Variants in BSX observed in about 807,000 individuals in gnomAD.
The protein encoded by BSX is brain specific homeobox.
A neutral mutation model predicts 16.9 loss-of-function variants in BSX; 12 were observed. The ratio of observed to expected loss-of-function variants is 0.71; its 90% CI spans 0.46 to 1.15. The LOEUF is 1.15. BSX is among the 50% of genes most tolerant of loss of function. The pLI is 0.00. For missense variants in BSX, 292 were observed against 311.8 expected (o/e 0.94, Z 0.48); for synonymous variants, 160 against 136.4 (o/e 1.17, Z -1.20).
chr11:122,981,307 G>A (rs1174321802), intron 1 of BSX, 103 bp downstream of exon 1: 2 of 1,197,916 alleles, frequency 1.7e-6, no homozygotes, highest in East Asian at 5.3e-5. Flanking sequence ...CACCAAGCCA[G>A]GCCGAGCCAG....
intron 1 of BSX, 66 bp from the exon 2 acceptor site, chr11:122,979,523 C>G: frequency 7.3e-7 from 1 of 1,374,112 alleles, no homozygotes; most frequent in Non-Finnish European, 1.0e-6. Flanking sequence ...CCGCTCCGCT[C>G]CCCTCCCCTC....
rs867242555 is a variant in BSX at position 122,981,475 on chromosome 11, G to A, written c.197C>T (p.Ala66Val). The A allele has an allele frequency of 6.3e-7, 1 of 1,579,162 alleles. No individual in the cohort carries two copies. Among genetic ancestry groups the A allele is most frequent in the East Asian group, 2.3e-5 (1 of 43,594 alleles). Residue 66 changes from alanine (A) to valine (V), a missense_variant, in exon 1 of 3, where the codon GCT (alanine) becomes GTT (valine). Ala to Val is a moderately conservative substitution (Grantham distance 64). This residue lies in a region of BSX where 176 missense variants were observed against 187.2 expected (regional missense o/e 0.94). Coordinates refer to ENST00000343035, the MANE Select transcript of BSX (RefSeq NM_001098169.2). ...YPLMPTPTLL[A>V]PHAHHPLHKG... ...ATGCAGAGGGTGATGGGCGTGAGGA[G>A]CCAAGAGGGTGGGTGTGGGCATGAG... is the stretch of plus-strand genomic sequence containing the variant.
intron 1 of BSX, among the ~76,000 whole-genome samples, chr11:122,980,877 T>G (rs2135401778): frequency 6.6e-6 from 1 of 152,290 alleles, no homozygotes. Flanking sequence ...TCACCCTTTC[T>G]GTCTTATTCA....
Position 122,981,576 on chromosome 11 carries a change from C to A in BSX, c.96G>T (p.Pro32=), listed in dbSNP as rs1264006668. ...IEDILLHKPK[P]LREVAPDHFA... ...AATGGTCTGGGGCCACCTCTCTCAG[C>A]GGCTTGGGCTTGTGCAGCAGGATGT... The change falls in exon 1 of 3, where the codon CCG becomes CCT. Residue 32 remains proline, a synonymous_variant. Coordinates refer to ENST00000343035, the MANE Select transcript of BSX (RefSeq NM_001098169.2). The A allele has an allele frequency of 1.3e-6, 2 of 1,599,590 alleles. No homozygotes were observed. Among genetic ancestry groups the A allele is most frequent in the Non-Finnish European group, 1.7e-6 (2 of 1,173,280 alleles).
rs1864513883 is a variant in BSX, at chr11:122,977,695, T to C, written c.656A>G (p.Asp219Gly). 4 of 1,612,394 alleles carry C rather than the reference T, an allele frequency of 2.5e-6. No individual in the cohort carries two copies. Among genetic ancestry groups the C allele is most frequent in the Non-Finnish European group, 3.4e-6 (4 of 1,179,810 alleles). The change falls in exon 3 of 3, where the codon GAC becomes GGC. Residue 219 changes from aspartate to glycine, a missense_variant. By Grantham distance (94) the Asp-to-Gly change is moderately conservative. Transcript: ENST00000343035. The surrounding 1 kb of genome is among the most constrained non-coding windows in gnomAD (Gnocchi z 4.5). ...FVLTEPEDEV[D>G]IGDEGELGSG... is the part of the protein sequence containing the mutation. ...GCCCAGCTCCCCCTCGTCTCCAATGTCCACCTCGTCCTCTGGCTCGGTCAG... is the reference window on the plus strand; with the variant it reads ...GCCCAGCTCCCCCTCGTCTCCAATGCCCACCTCGTCCTCTGGCTCGGTCAG...
At position 122,981,756 on chromosome 11, in the gene BSX, C is replaced by T. The variant is rs573811051; in HGVS notation, c.-85G>A. 3 of 1,366,604 alleles carry T rather than the reference C, an allele frequency of 2.2e-6. No individual in the cohort carries two copies. The highest frequency in any genetic ancestry group is 2.5e-5 in the East Asian group (1 of 39,724). The allele number at this position is 1,366,604 out of a possible 1,614,324, so 84.7% of individuals were successfully genotyped here. A position where few individuals can be genotyped will look rare whatever the true frequency, so the allele number is the denominator to read the frequency against. ...GTCTCCAAGCCTGCTCGAAAGCCGG[C>T]AACCACCCTCCGAGGCTCGAATCTC... On this transcript the variant is annotated 5_prime_UTR_variant, in exon 1 of 3. Coordinates refer to ENST00000343035, the MANE Select transcript of BSX (RefSeq NM_001098169.2).
At chr11:122,978,216 C>G (rs566505719) in intron 2 of BSX, among the ~76,000 whole-genome samples, 23 of 152,330 alleles carry the variant, frequency 1.5e-4, no homozygotes, top group African/African-American at 5.5e-4. Context: ...AGACATCTAA[C>G]CACCTGATCC....
Position 122,981,796 on chromosome 11 carries a change from G to T in BSX, c.-125C>A. Reference sequence around the variant, plus strand: ...GCTCGAATCTCCGCTGCTCTCTCCCGGGCCTGGGCTACCCCGGGCGCTGGA... The same window carrying T: ...GCTCGAATCTCCGCTGCTCTCTCCCTGGCCTGGGCTACCCCGGGCGCTGGA... On this transcript the variant is annotated 5_prime_UTR_variant, in exon 1 of 3. Transcript: ENST00000343035. 2 of 1,038,200 alleles carry T rather than the reference G, an allele frequency of 1.9e-6. No individual in the cohort carries two copies. The highest frequency in any genetic ancestry group is 1.7e-5 in the South Asian group (1 of 58,812). 64.3% of individuals were successfully genotyped at this position (1,038,200 alleles called of 1,614,324 possible).
chr11:122,979,841 A>C (rs1864547420), intron 1 of BSX, among the ~76,000 whole-genome samples: 1 of 152,150 alleles, frequency 6.6e-6, no homozygotes, highest in Non-Finnish European at 1.5e-5. Flanking sequence ...TGCAAACGTC[A>C]AATGGCCCAG....
intron 2 of BSX, among the ~76,000 whole-genome samples, chr11:122,978,517 G>C (rs149517110): frequency 6.6e-5 from 10 of 152,246 alleles, no homozygotes; most frequent in African/African-American, 2.4e-4. Context: ...CGCTGTGAGA[G>C]AGATTGAAGT....
At position 122,979,375 on chromosome 11, in the gene BSX, C is replaced by A. The variant is rs1453641893; in HGVS notation, c.345G>T (p.Thr115=). 1.2e-6 allele frequency: 2 copies of A among 1,614,136 alleles called. No individual in the cohort carries two copies. The highest frequency in any genetic ancestry group is 1.7e-6 in the Non-Finnish European group (2 of 1,180,012). ...CCGAGAGCTGCGAGTCAGAGAAAAC[C>A]GTGCGGGCTTTGCGGCGGCGGCAGT... ...GKHCRRRKAR[T]VFSDSQLSGL... The change falls in exon 2 of 3, where the codon ACG becomes ACT. Residue 115 remains threonine, a synonymous_variant. Coordinates refer to ENST00000343035, the MANE Select transcript of BSX (RefSeq NM_001098169.2).
At position 122,981,761 on chromosome 11, in the gene BSX, A is replaced by T; in HGVS notation, c.-90T>A. ...CAAGCCTGCTCGAAAGCCGGCAACC[A>T]CCCTCCGAGGCTCGAATCTCCGCTG... On this transcript the variant is annotated 5_prime_UTR_variant, in exon 1 of 3. Coordinates refer to ENST00000343035, the MANE Select transcript of BSX (RefSeq NM_001098169.2). 1.5e-6 allele frequency: 2 copies of T among 1,330,886 alleles called. No individual in the cohort carries two copies. Among genetic ancestry groups the T allele is most frequent in the Non-Finnish European group, 2.0e-6 (2 of 992,762 alleles). The allele number at this position is 1,330,886 out of a possible 1,614,324, so 82.4% of individuals were successfully genotyped here.
At chr11:122,980,123 T>C (rs1291950743) in intron 1 of BSX, among the ~76,000 whole-genome samples, 1 of 152,128 alleles carries the variant, frequency 6.6e-6, no homozygotes, top group African/African-American at 2.4e-5. Flanking sequence ...CCCAGCTACC[T>C]AATATAGTCC....
chr11:122,979,128 T>C, intron 2 of BSX, 133 bp downstream of exon 2: 1 of 923,122 alleles, frequency 1.1e-6, no homozygotes, highest in Non-Finnish European at 1.6e-6. Context: ...TTACGAAAGC[T>C]CTTGGGAAAG....
intron 1 of BSX, among the ~76,000 whole-genome samples, chr11:122,980,299 C>T (rs976965183): frequency 6.6e-6 from 1 of 152,152 alleles, no homozygotes; most frequent in African/African-American, 2.4e-5. Flanking sequence ...CAAGCAACAT[C>T]GGCCAATCCC....
In BSX at chr11:122,977,842, C is replaced by T; in HGVS notation, c.509G>A (p.Arg170Gln). ...TGCTTTGGGTTCGTCTTGGCTTTTCCGCAGTTGCTTTTTATGCTTCATCCG... is the reference window on the plus strand; with the variant it reads ...TGCTTTGGGTTCGTCTTGGCTTTTCTGCAGTTGCTTTTTATGCTTCATCCG... ...NRRMKHKKQL[R>Q]KSQDEPKAPD... is the part of the protein sequence containing the mutation. Residue 170 changes from arginine to glutamine, a missense_variant, in exon 3 of 3, where the codon CGG (arginine) becomes CAG (glutamine). Around this residue, in one of 3 missense-constraint regions of BSX, gnomAD observed 107 missense variants for 97.1 expected, o/e 1.10. Transcript: ENST00000343035. This position sits in a 1 kb window ranked among gnomAD's most constrained non-coding sequence, Gnocchi z 4.5. 1.9e-6 allele frequency: 3 copies of T among 1,613,934 alleles called. No homozygotes were observed. The highest frequency in any genetic ancestry group is 1.1e-5 in the South Asian group (1 of 91,072).
rs879057152 is a variant in BSX, at chr11:122,981,054, G to T, written c.262+356C>A. On this transcript the variant is annotated intron_variant, in intron 1 of 2. Coordinates refer to ENST00000343035, the MANE Select transcript of BSX (RefSeq NM_001098169.2). ...AGGGTCTCCCTCTGAGTGGGCAGAG[G>T]CGGAGAATCAGGATTGAGAGATGGA... Among the ~76,000 whole-genome samples the T allele has an allele frequency of 3.9e-5, 6 of 152,176 alleles. 1 individual carries two copies. Among genetic ancestry groups the T allele is most frequent in the Admixed American group, 3.9e-4 (6 of 15,282 alleles).
intron 1 of BSX, among the ~76,000 whole-genome samples, chr11:122,980,776 G>A (rs746237206): frequency 2.6e-5 from 4 of 152,170 alleles, no homozygotes; most frequent in African/African-American, 4.8e-5. Flanking sequence ...GGGCAGAGGA[G>A]GGTAGCCCAG....
chr11:122,978,893 C>G (rs866566294), intron 2 of BSX, among the ~76,000 whole-genome samples: 1 of 149,432 alleles, frequency 6.7e-6, no homozygotes, highest in Non-Finnish European at 1.5e-5. Flanking sequence ...GCAACCTCCG[C>G]CTCCCGGGTT....
Sources: allele counts gnomAD v4.1 joint callset (sites outside exome capture counted in the v4.1 genomes callset), GRCh38; gene constraint gnomAD v4.1.1; regional missense constraint gnomAD v4.1.1; non-coding constraint Gnocchi (gnomAD v3.1); transcripts MANE v1.5; gene names NCBI Gene and HGNC (gene_info 2026-07-23, HGNC 2026-07-21).